The following KDM5A variants were observed in gnomAD, a reference collection of about 807,000 sequenced individuals.
KDM5A encodes the protein lysine demethylase 5A, also known as lysine-specific demethylase 5A.
Under a neutral mutation model 193.5 loss-of-function variants are expected in KDM5A, and 42 were observed. The observed-to-expected ratio is 0.22, with a 90% CI of 0.17 to 0.28. KDM5A has a LOEUF of 0.28. Among genes scored for constraint, KDM5A ranks in the 10% least tolerant of loss-of-function variants. The pLI is 1.00. For synonymous variants in KDM5A, 796 were observed against 718.1 expected (o/e 1.11, Z -1.73); for missense variants, 1,692 against 2,055.1 (o/e 0.82, Z 3.42).
chr12:368,279 T>C (rs1158376443), intron 3 of KDM5A, among the ~76,000 whole-genome samples: 1 of 152,200 alleles, frequency 6.6e-6, no homozygotes, highest in Non-Finnish European at 1.5e-5. Context: ...CCTGGAACTA[T>C]ATAGTGGTGA....
intron 10 of KDM5A, among the ~76,000 whole-genome samples, chr12:349,803 G>T (rs949041066): frequency 6.6e-6 from 1 of 151,058 alleles, no homozygotes. Flanking sequence ...GATTACAGGT[G>T]TGAGTCATTG....
At position 293,060 on chromosome 12, in the gene KDM5A, T is replaced by C. The variant is rs374529440; in HGVS notation, c.4565A>G (p.Gln1522Arg). Residue 1522 changes from glutamine (Q) to arginine (R), a missense_variant, in exon 27 of 28, where the codon CAG (glutamine) becomes CGG (arginine). By Grantham distance (43) the Gln-to-Arg change is conservative (BLOSUM62 1). This residue lies in a region of KDM5A where 965 missense variants were observed against 1,061.0 expected (regional missense o/e 0.91). Coordinates refer to ENST00000399788, the MANE Select transcript of KDM5A (RefSeq NM_001042603.3). ...CATTTTCTTTAACTCCTTGGACTTC[T>C]GTTTTCCTTCTCCAAAAAGTTGCTC... Reference protein sequence around the residue: ...KVEQLFGEGKQKSKELKKMDK... With the variant: ...KVEQLFGEGKRKSKELKKMDK... 6.3e-7 allele frequency: 1 copy of C among 1,587,528 alleles called. No homozygotes were observed. The highest frequency in any genetic ancestry group is 8.5e-7 in the Non-Finnish European group (1 of 1,173,144).
rs1195357589 is a variant in KDM5A at position 380,992 on chromosome 12, A to AT, written c.366+3038dup. On this transcript the variant is annotated intron_variant, in intron 3 of 27. Transcript: ENST00000399788. ...TGCATAATTAGTAGAGATAGGTTTTATTTTATTTTTTTTTTTTAGACGGAG... is the reference window on the plus strand; with the variant it reads ...TGCATAATTAGTAGAGATAGGTTTTATTTTTATTTTTTTTTTTTAGACGGAG... Among the ~76,000 whole-genome samples the AT allele has an allele frequency of 8.5e-5, 7 of 82,380 alleles. No homozygotes were observed. In the East Asian group the frequency reaches 1.1e-3, roughly 13 times the overall value. The allele number at this position is 82,380 out of a possible 152,430, so 54.0% of individuals were successfully genotyped here.
chr12:387,645 A>C (rs752772634), intron 1 of KDM5A, among the ~76,000 whole-genome samples: 1 of 152,166 alleles, frequency 6.6e-6, no homozygotes, highest in Non-Finnish European at 1.5e-5. Flanking sequence ...AGAAAAACTG[A>C]TCTAGGTTCA....
chr12:323,001 G>A, intron 16 of KDM5A, 81 bp downstream of exon 16: 1 of 1,585,256 alleles, frequency 6.3e-7, no homozygotes, highest in Non-Finnish European at 8.6e-7. Context: ...TTTACGGAAG[G>A]AAAAAACATA....
chr12:281,607 G>A lies in KDM5A; in HGVS notation c.*3849C>T. On this transcript the variant is annotated 3_prime_UTR_variant, in exon 28 of 28. Transcript: ENST00000399788. Reference sequence around the variant, plus strand: ...TAAAAGCAACCTTCTACACACATATGGAGCTAATTCACATGTGAAGCTTTA... The same window carrying A: ...TAAAAGCAACCTTCTACACACATATAGAGCTAATTCACATGTGAAGCTTTA... The A allele has an allele frequency of 4.3e-6, 1 of 233,664 alleles. No homozygotes were observed. Among genetic ancestry groups the A allele is most frequent in the East Asian group, 6.0e-5 (1 of 16,568 alleles). 14.5% of individuals were successfully genotyped at this position (233,664 alleles called of 1,614,324 possible).
At position 323,210 on chromosome 12, in the gene KDM5A, C is replaced by CAAAAAAA. The variant is rs60377454; in HGVS notation, c.2151-11_2151-5dup. On this transcript the variant is annotated splice_region_variant and splice_polypyrimidine_tract_variant and intron_variant, in intron 15 of 27. Coordinates refer to ENST00000399788, the MANE Select transcript of KDM5A (RefSeq NM_001042603.3). ...GTCTTCTAATGGGTAGCGATATCTA[C>CAAAAAAA]AAAAAAAAAAAAAAAAAAAAAAAAA... 0.023 allele frequency: 6,809 copies of CAAAAAAA among 296,160 alleles called. 209 individuals carry two copies. Among genetic ancestry groups the CAAAAAAA allele is most frequent in the Admixed American group, 0.055 (435 of 7,892 alleles). 18.3% of individuals were successfully genotyped at this position (296,160 alleles called of 1,614,324 possible). A position where few individuals can be genotyped will look rare whatever the true frequency, so the allele number is the denominator to read the frequency against.
chr12:334,120 A>G, intron 11 of KDM5A, 121 bp downstream of exon 11: 3 of 916,574 alleles, frequency 3.3e-6, no homozygotes, highest in Non-Finnish European at 5.1e-6. Context: ...GGCCAAGGCT[A>G]GAAATTATTG....
chr12:295,111 A>G (rs1943352248), intron 26 of KDM5A, among the ~76,000 whole-genome samples: 1 of 152,044 alleles, frequency 6.6e-6, no homozygotes, highest in South Asian at 2.1e-4. Context: ...TCTAAACGGG[A>G]TGGTTATCAA....
At chr12:373,344 T>C (rs1392101546) in intron 3 of KDM5A, among the ~76,000 whole-genome samples, 1 of 152,232 alleles carries the variant, frequency 6.6e-6, no homozygotes, top group Non-Finnish European at 1.5e-5. Context: ...TCCAGGAATT[T>C]ATCCATTTCT....
At chr12:293,939 T>TA (rs945185230) in intron 26 of KDM5A, among the ~76,000 whole-genome samples, 24 of 147,958 alleles carry the variant, frequency 1.6e-4, no homozygotes, top group Non-Finnish European at 3.1e-4. Flanking sequence ...AAAGGGCATA[T>TA]AAAAAAAAAA....
chr12:313,319 G>T, intron 19 of KDM5A, 125 bp from the exon 20 acceptor site: 2 of 1,058,318 alleles, frequency 1.9e-6, no homozygotes, highest in East Asian at 2.6e-5. Context: ...CTATAAGGGA[G>T]GCAAAGCAGC....
intron 3 of KDM5A, 74 bp from the exon 4 acceptor site, chr12:366,178 A>C: frequency 1.5e-6 from 2 of 1,302,920 alleles, no homozygotes; most frequent in Admixed American, 4.0e-5. Flanking sequence ...CTTGTCTACT[A>C]AATAGAAAAA....
At position 299,533 on chromosome 12, in the gene KDM5A, A is replaced by C. The variant is rs370281274; in HGVS notation, c.4075-2333T>G. Among the ~76,000 whole-genome samples the C allele has an allele frequency of 2.6e-5, 4 of 152,200 alleles. No individual in the cohort carries two copies. In the East Asian group the frequency reaches 7.7e-4, roughly 29 times the overall value. On this transcript the variant is annotated intron_variant, in intron 24 of 27. Transcript: ENST00000399788. ...CTCACCACCAGACCTGCCTTACAAG[A>C]GCTCCTGAAGAAAGCACTAAACATG...
rs1163525200 is a variant in KDM5A, at chr12:329,316, A to C, written c.1774-287T>G. 3 of 431,762 alleles carry C rather than the reference A, an allele frequency of 6.9e-6. No homozygotes were observed. In the East Asian group the frequency reaches 1.3e-4, roughly 19 times the overall value. The allele number at this position is 431,762 out of a possible 1,614,324, so 26.7% of individuals were successfully genotyped here. A position where few individuals can be genotyped will look rare whatever the true frequency, so the allele number is the denominator to read the frequency against. ...ATATCAAGAAGGAGTTCTTTGGTATATAACTGAGGCAGCAAACTCTTTTAG... is the reference window on the plus strand; with the variant it reads ...ATATCAAGAAGGAGTTCTTTGGTATCTAACTGAGGCAGCAAACTCTTTTAG... On this transcript the variant is annotated intron_variant, in intron 13 of 27. Transcript: ENST00000399788.
intron 10 of KDM5A, among the ~76,000 whole-genome samples, chr12:340,014 T>C (rs1344448748): frequency 6.6e-6 from 1 of 151,814 alleles, no homozygotes; most frequent in Non-Finnish European, 1.5e-5. Flanking sequence ...CAGCTCCAAC[T>C]ACAGGCGTGT....
chr12:330,953 A>G (rs960428725), intron 13 of KDM5A, among the ~76,000 whole-genome samples: 3 of 152,160 alleles, frequency 2.0e-5, no homozygotes, highest in Non-Finnish European at 4.4e-5. Flanking sequence ...CTCCCAAGCA[A>G]CATAACAGCC....
At chr12:322,968 C>T (rs2137410177) in intron 16 of KDM5A, 114 bp downstream of exon 16, 1 of 1,380,448 alleles carries the variant, frequency 7.2e-7, no homozygotes, top group South Asian at 1.2e-5. Flanking sequence ...TCTCAAATCT[C>T]ATAGGAAGCC....
chr12:333,381 T>C (rs1943886920), intron 12 of KDM5A, 106 bp downstream of exon 12: 1 of 1,243,344 alleles, frequency 8.0e-7, no homozygotes, highest in Non-Finnish European at 1.1e-6. Context: ...ATCGTGCCGC[T>C]GCACTCCAGC....
Sources: allele counts gnomAD v4.1 joint callset (sites outside exome capture counted in the v4.1 genomes callset), GRCh38; gene constraint gnomAD v4.1.1; regional missense constraint gnomAD v4.1.1; transcripts MANE v1.5; gene names NCBI Gene and HGNC (gene_info 2026-07-23, HGNC 2026-07-21).